Variants in MECOM observed in about 807,000 individuals in gnomAD.
The protein encoded by MECOM is MDS1 and EVI1 complex locus.
MECOM carries 13 observed loss-of-function variants against 116.3 expected under a neutral mutation model. The observed-to-expected ratio is 0.11, with a 90% CI of 0.07 to 0.18. The LOEUF is 0.18. Among genes scored for constraint, MECOM ranks in the 10% least tolerant of loss-of-function variants. The probability of loss-of-function intolerance (pLI) is 1.00; values close to 1 mark genes in which losing one functional copy is unlikely to be tolerated. For synonymous variants in MECOM, 528 were observed against 535.2 expected, an observed-to-expected ratio of 0.99 and a Z score of 0.19; for missense variants, 1,299 against 1,509.0, an observed-to-expected ratio of 0.86 and a Z score of 2.31.
intron 1 of MECOM, among the ~76,000 whole-genome samples, chr3:169,517,896 A>T (rs563207699): frequency 6.6e-6 from 1 of 152,362 alleles, no homozygotes; most frequent in East Asian, 1.9e-4. Flanking sequence ...AGGAATTTAC[A>T]TTCCAACAGA....
intron 1 of MECOM, among the ~76,000 whole-genome samples, chr3:169,515,022 T>A (rs147515293): frequency 1.2e-3 from 179 of 152,286 alleles, no homozygotes; most frequent in African/African-American, 4.1e-3. Flanking sequence ...AGATCAAGAC[T>A]GTCCTCAGCA....
At chr3:169,345,973 AATTTC>A (rs1180274714) in intron 2 of MECOM, among the ~76,000 whole-genome samples, 28 of 152,242 alleles carry the variant, frequency 1.8e-4, no homozygotes, top group Admixed American at 5.2e-4. Flanking sequence ...CAGATGAACA[AATTTC>A]ATTTAATCCA....
intron 1 of MECOM, among the ~76,000 whole-genome samples, chr3:169,510,968 T>TA (rs1468155173): frequency 2.6e-5 from 4 of 152,142 alleles, no homozygotes; most frequent in African/African-American, 9.7e-5. Flanking sequence ...TTCAAAGCGT[T>TA]AAAAAACAGC....
intron 2 of MECOM, among the ~76,000 whole-genome samples, chr3:169,264,766 G>C (rs1380562655): frequency 6.6e-6 from 1 of 152,170 alleles, no homozygotes; most frequent in African/African-American, 2.4e-5. Flanking sequence ...TTTTATACAA[G>C]TTTCTGAAGC....
chr3:169,314,819 A>T (rs1719450811), intron 2 of MECOM, among the ~76,000 whole-genome samples: 3 of 152,236 alleles, frequency 2.0e-5, no homozygotes. Flanking sequence ...CTTACTTAAA[A>T]AGTGCTAAGG....
chr3:169,442,240 T>C (rs1016756235), intron 1 of MECOM, among the ~76,000 whole-genome samples: 2 of 152,178 alleles, frequency 1.3e-5, no homozygotes, highest in Non-Finnish European at 2.9e-5. Context: ...TTTGTATTTT[T>C]AGTAGAGACG....
At chr3:169,339,479 T>C (rs1300737945) in intron 2 of MECOM, among the ~76,000 whole-genome samples, 2 of 152,198 alleles carry the variant, frequency 1.3e-5, no homozygotes, top group Non-Finnish European at 1.5e-5. Flanking sequence ...AAGACTGCAA[T>C]GTATGGAAAT....
At chr3:169,136,158 C>T (rs990727903) in intron 3 of MECOM, among the ~76,000 whole-genome samples, 2 of 151,630 alleles carry the variant, frequency 1.3e-5, no homozygotes, top group African/African-American at 2.4e-5. Flanking sequence ...GTATAAAAGA[C>T]AGTGGTGATA....
intron 2 of MECOM, among the ~76,000 whole-genome samples, chr3:169,162,403 G>A (rs56338737): frequency 0.071 from 10,772 of 152,192 alleles, 486 homozygotes; most frequent in South Asian, 0.19. Context: ...AAGACTGTAC[G>A]TCATTAAGTA....
chr3:169,417,084 A>C (rs1738763148), intron 1 of MECOM, among the ~76,000 whole-genome samples: 1 of 151,856 alleles, frequency 6.6e-6, no homozygotes, highest in South Asian at 2.1e-4. Context: ...AAGCAATGGC[A>C]ACAAAAGCCA....
At chr3:169,131,811 A>T in intron 3 of MECOM, 1 of 756,306 alleles carries the variant, frequency 1.3e-6, no homozygotes, top group Non-Finnish European at 1.8e-6. Flanking sequence ...GCTGCGTCAC[A>T]TATATCCTGT....
At chr3:169,465,428 A>G (rs575485559) in intron 1 of MECOM, among the ~76,000 whole-genome samples, 21 of 152,368 alleles carry the variant, frequency 1.4e-4, no homozygotes, top group Non-Finnish European at 2.1e-4. Context: ...TAAGTTCTCT[A>G]TAAGTATTCA....
chr3:169,605,522 G>C (rs760538374), intron 1 of MECOM, among the ~76,000 whole-genome samples: 37 of 152,244 alleles, frequency 2.4e-4, no homozygotes, highest in Non-Finnish European at 5.0e-4. Flanking sequence ...GTGTGCTACA[G>C]TGAAAACTAG....
At chr3:169,619,362 T>A (rs1770424039) in intron 1 of MECOM, among the ~76,000 whole-genome samples, 1 of 152,122 alleles carries the variant, frequency 6.6e-6, no homozygotes, top group Non-Finnish European at 1.5e-5. Context: ...CAAATAAGGC[T>A]GGGCTGGAGA....
chr3:169,484,195 G>T (rs1272906329), intron 1 of MECOM: 2 of 601,548 alleles, frequency 3.3e-6, no homozygotes, highest in Non-Finnish European at 5.9e-6. Context: ...TGCACTTATT[G>T]ATGAGCTTTG....
chr3:169,121,708 T>C (rs1368950691), intron 6 of MECOM, among the ~76,000 whole-genome samples: 3 of 152,260 alleles, frequency 2.0e-5, no homozygotes, highest in South Asian at 2.1e-4. Flanking sequence ...TTAGACATTG[T>C]ACTAAAAACA....
At chr3:169,482,340 T>TTTC (rs1553866282) in intron 1 of MECOM, among the ~76,000 whole-genome samples, 25 of 147,262 alleles carry the variant, frequency 1.7e-4, no homozygotes, top group African/African-American at 6.3e-4. Context: ...TTTTTTTTTT[T>TTTC]TTTTTTTTTG....
intron 2 of MECOM, among the ~76,000 whole-genome samples, chr3:169,354,248 A>G (rs1378511123): frequency 6.6e-6 from 1 of 151,896 alleles, no homozygotes; most frequent in Non-Finnish European, 1.5e-5. Flanking sequence ...TATTCACAGC[A>G]TATTTTTGAC....
At chr3:169,608,819 T>G (rs1217724163) in intron 1 of MECOM, among the ~76,000 whole-genome samples, 1 of 152,206 alleles carries the variant, frequency 6.6e-6, no homozygotes, top group Non-Finnish European at 1.5e-5. Flanking sequence ...ACTAAAATTG[T>G]TTTTAGCCAG....
Sources: gnomAD v4.1 joint callset for allele counts (sites outside exome capture counted in the v4.1 genomes callset) on GRCh38, gnomAD v4.1.1 for gene constraint, MANE v1.5 for transcripts, NCBI Gene and HGNC (gene_info 2026-07-23, HGNC 2026-07-21) for gene names.